ABCC1: variants seen among roughly 807,000 people sequenced by gnomAD.
The protein encoded by ABCC1 is ATP binding cassette subfamily C member 1 (ABCC1 blood group).
In ABCC1, 83 loss-of-function variants were observed where a neutral mutation model predicts 172.9. That is an observed-to-expected ratio of 0.48 (90% CI 0.40 to 0.58). ABCC1 has a LOEUF of 0.58. ABCC1 is among the 20% of genes least tolerant of loss of function. The probability of loss-of-function intolerance (pLI) is 0.00; values close to 1 mark genes in which losing one functional copy is unlikely to be tolerated. For missense variants in ABCC1, 1,817 were observed against 2,002.7 expected (o/e 0.91, Z 1.77); for synonymous variants, 937 against 825.2 (o/e 1.14, Z -2.32).
At chr16:16,025,398 T>C (rs1242903001) in intron 5 of ABCC1, among the ~76,000 whole-genome samples, 1 of 152,328 alleles carries the variant, frequency 6.6e-6, no homozygotes, top group African/African-American at 2.4e-5. Flanking sequence ...GCAGTAGGTC[T>C]GGGTGGGGCC....
At chr16:16,098,921 G>A in intron 19 of ABCC1, 3 of 1,351,998 alleles carry the variant, frequency 2.2e-6, no homozygotes, top group Non-Finnish European at 2.9e-6. Flanking sequence ...TGCCCGGGTT[G>A]GAGTTGGCTT....
chr16:15,975,573 T>G (rs2046470909), intron 1 of ABCC1, among the ~76,000 whole-genome samples: 1 of 151,546 alleles, frequency 6.6e-6, no homozygotes, highest in Admixed American at 6.6e-5. Flanking sequence ...TTTTTTGTTT[T>G]GAGACTGAGT....
At position 15,949,672 on chromosome 16, in the gene ABCC1, C is replaced by T. The variant is rs1685480011; in HGVS notation, c.-80C>T. ...GCAGCCGGGCCCGATCACCCGCCGCCCGGTGCCCGCCGCCGCCCGCGCCAG... is the reference window on the plus strand; with the variant it reads ...GCAGCCGGGCCCGATCACCCGCCGCTCGGTGCCCGCCGCCGCCCGCGCCAG... On this transcript the variant is annotated 5_prime_UTR_variant, in exon 1 of 31. Coordinates refer to ENST00000399410, the MANE Select transcript of ABCC1 (RefSeq NM_004996.4). The T allele has an allele frequency of 4.4e-6, 4 of 906,172 alleles. No homozygotes were observed. Among genetic ancestry groups the T allele is most frequent in the Non-Finnish European group, 5.3e-6 (4 of 756,592 alleles). The allele number at this position is 906,172 out of a possible 1,614,324, so 56.1% of individuals were successfully genotyped here. A position where few individuals can be genotyped will look rare whatever the true frequency, so the allele number is the denominator to read the frequency against.
At chr16:16,134,629 T>TAA in intron 28 of ABCC1, 121 bp downstream of exon 28, 1 of 110,216 alleles carries the variant, frequency 9.1e-6, no homozygotes, top group Non-Finnish European at 1.1e-5. Context: ...ATCGTTCTTT[T>TAA]TTTTTTTTTT....
chr16:16,056,019 A>T (rs2049636116), intron 11 of ABCC1, 73 bp from the exon 12 acceptor site: 1 of 1,311,542 alleles, frequency 7.6e-7, no homozygotes, highest in Non-Finnish European at 1.1e-6. Flanking sequence ...TATGAGAAAA[A>T]TAGCTGGTGA....
chr16:15,959,374 G>A (rs2046077147), intron 1 of ABCC1, among the ~76,000 whole-genome samples: 2 of 152,066 alleles, frequency 1.3e-5, no homozygotes, highest in South Asian at 4.1e-4. Flanking sequence ...CACCCAGGCT[G>A]GAGTGCAGTG....
In ABCC1 at chr16:16,061,589, C is replaced by T. The variant is rs868147499; in HGVS notation, c.1677+5294C>T. ...AGCCCTTCCTCCTAACACCAGTCACCTTGCTTCCCTCTCTCCATGTTTCTT... is the reference window on the plus strand; with the variant it reads ...AGCCCTTCCTCCTAACACCAGTCACTTTGCTTCCCTCTCTCCATGTTTCTT... On this transcript the variant is annotated intron_variant, in intron 12 of 30. Coordinates refer to ENST00000399410, the MANE Select transcript of ABCC1 (RefSeq NM_004996.4). Among the ~76,000 whole-genome samples the T allele has an allele frequency of 7.2e-5, 11 of 152,254 alleles. No individual in the cohort carries two copies. The South Asian group carries it at 1.0e-3, about 14-fold the overall frequency.
chr16:16,141,445 G>T lies in ABCC1; in HGVS notation c.*164G>T, dbSNP rs2046123116. ...TCAAAGCAGCAGCCACCGCCATCCG[G>T]TCCCCTGCCTGGAACTGGCTGTGAA... On this transcript the variant is annotated 3_prime_UTR_variant, in exon 31 of 31. Coordinates refer to ENST00000399410, the MANE Select transcript of ABCC1 (RefSeq NM_004996.4). 3.2e-6 allele frequency: 2 copies of T among 634,136 alleles called. No individual in the cohort carries two copies. The highest frequency in any genetic ancestry group is 5.4e-6 in the Non-Finnish European group (2 of 367,058). 39.3% of individuals were successfully genotyped at this position (634,136 alleles called of 1,614,324 possible).
chr16:16,126,157 G>T (rs897550192), intron 26 of ABCC1, among the ~76,000 whole-genome samples: 7 of 152,154 alleles, frequency 4.6e-5, no homozygotes, highest in African/African-American at 1.7e-4. Flanking sequence ...TGCTGTCAGG[G>T]CATTCAGAAG....
At chr16:16,068,420 G>A in intron 13 of ABCC1, 118 bp downstream of exon 13, 2 of 1,208,334 alleles carry the variant, frequency 1.7e-6, no homozygotes, top group South Asian at 1.4e-5. Context: ...GCTCCATGAG[G>A]CCCGGACAAA....
chr16:16,081,785 T>C (rs2050814726), intron 16 of ABCC1, among the ~76,000 whole-genome samples: 1 of 152,018 alleles, frequency 6.6e-6, no homozygotes, highest in Non-Finnish European at 1.5e-5. Flanking sequence ...TTTGGGAGGC[T>C]GAGGCAGGTT....
intron 20 of ABCC1, among the ~76,000 whole-genome samples, chr16:16,104,228 G>T (rs188313324): frequency 1.4e-4 from 21 of 152,306 alleles, no homozygotes; most frequent in African/African-American, 5.1e-4. Flanking sequence ...ACCCCAGTAG[G>T]TGGCCACTGC....
intron 1 of ABCC1, among the ~76,000 whole-genome samples, chr16:15,964,061 A>G (rs1440047193): frequency 6.6e-6 from 1 of 151,722 alleles, no homozygotes; most frequent in Non-Finnish European, 1.5e-5. Flanking sequence ...CTCCTGCCTC[A>G]GCATCCCGAG....
intron 26 of ABCC1, among the ~76,000 whole-genome samples, chr16:16,128,787 C>G (rs961027940): frequency 7.2e-5 from 11 of 152,204 alleles, no homozygotes; most frequent in African/African-American, 2.6e-4. Flanking sequence ...TCACTTGAAG[C>G]CAGGAGTTCG....
At chr16:15,991,552 C>T (rs1203073017) in intron 1 of ABCC1, among the ~76,000 whole-genome samples, 6 of 152,112 alleles carry the variant, frequency 3.9e-5, no homozygotes, top group Non-Finnish European at 5.9e-5. Context: ...ACCCCCACTG[C>T]GGGCGGAGCT....
At chr16:16,090,671 G>A (rs942890872) in intron 19 of ABCC1, 83 bp downstream of exon 19, 22 of 1,416,436 alleles carry the variant, frequency 1.6e-5, no homozygotes, top group Non-Finnish European at 2.1e-5. Context: ...GTTGCCACCA[G>A]CCACTTGGGG....
intron 1 of ABCC1, among the ~76,000 whole-genome samples, chr16:15,961,026 AAATAG>A (rs1353055734): frequency 4.0e-3 from 33 of 8,324 alleles, no homozygotes; most frequent in South Asian, 0.019. Flanking sequence ...TTTTTTTTTA[AAATAG>A]ATGGGGGTCT....
Position 15,999,488 on chromosome 16 carries a change from G to A in ABCC1, c.49-8328G>A, listed in dbSNP as rs553248959. Reference sequence around the variant, plus strand: ...AGATTAGCCAGGCGTGGTGGCAGGCGCCTATAGTCCCAGCTACTCGGGAAG... The same window carrying A: ...AGATTAGCCAGGCGTGGTGGCAGGCACCTATAGTCCCAGCTACTCGGGAAG... On this transcript the variant is annotated intron_variant, in intron 1 of 30. Transcript: ENST00000399410. Among the ~76,000 whole-genome samples the A allele has an allele frequency of 8.0e-4, 122 of 151,764 alleles. 1 individual carries two copies. The highest frequency in any genetic ancestry group is 3.8e-3 in the South Asian group (18 of 4,784).
At chr16:15,967,114 G>A (rs1048462957) in intron 1 of ABCC1, among the ~76,000 whole-genome samples, 1 of 152,092 alleles carries the variant, frequency 6.6e-6, no homozygotes, top group Admixed American at 6.6e-5. Context: ...ACTTGGTAGG[G>A]GAGTGTTTGG....
Sources: allele counts gnomAD v4.1 joint callset (sites outside exome capture counted in the v4.1 genomes callset), GRCh38; gene constraint gnomAD v4.1.1; transcripts MANE v1.5; gene names NCBI Gene and HGNC (gene_info 2026-07-23, HGNC 2026-07-21).